Variants in ATP2B2 observed in about 807,000 individuals in gnomAD.
ATP2B2 encodes ATPase plasma membrane Ca2+ transporting 2.
In ATP2B2, 15 loss-of-function variants were observed where a neutral mutation model predicts 120.0. The ratio of observed to expected loss-of-function variants is 0.12; its 90% CI spans 0.08 to 0.19. The LOEUF (loss-of-function observed/expected upper bound fraction) is 0.19, where lower values mean the gene tolerates loss of function less well. ATP2B2 is among the 10% of genes least tolerant of loss of function. ATP2B2 has a pLI of 1.00. For missense variants in ATP2B2, 1,045 were observed against 1,719.8 expected (o/e 0.61, Z 6.94); for synonymous variants, 694 against 700.3 (o/e 0.99, Z 0.14).
intron 1 of ATP2B2, among the ~76,000 whole-genome samples, chr3:10,462,929 G>A (rs531772709): frequency 6.6e-6 from 1 of 152,230 alleles, no homozygotes; most frequent in East Asian, 1.9e-4. Flanking sequence ...ACCCAGTGTT[G>A]GGTCCCACTG....
At chr3:10,376,529 A>ACCCATCCTGATCCCCTGGGGC (rs1226017449) in intron 10 of ATP2B2, among the ~76,000 whole-genome samples, 1 of 152,070 alleles carries the variant, frequency 6.6e-6, no homozygotes, top group Non-Finnish European at 1.5e-5. Context: ...GCAGCTGGGG[A>ACCCATCCTGATCCCCTGGGGC]CCCATCCTGA....
At chr3:10,410,962 C>T (rs2062591435) in intron 2 of ATP2B2, 147 bp from the exon 3 acceptor site, 1 of 991,978 alleles carries the variant, frequency 1.0e-6, no homozygotes. Flanking sequence ...GCTTTGGGCC[C>T]TAAGTTGGTT....
chr3:10,685,014 C>G (rs2071483222), intron 1 of ATP2B2, among the ~76,000 whole-genome samples: 1 of 152,150 alleles, frequency 6.6e-6, no homozygotes, highest in South Asian at 2.1e-4. Context: ...TAGCAAAAGC[C>G]AAACTGAGAT....
upstream of ATP2B2, among the ~76,000 whole-genome samples, chr3:10,508,643 C>T (rs555929181): frequency 2.8e-4 from 43 of 152,354 alleles, no homozygotes; most frequent in Admixed American, 7.2e-4. Flanking sequence ...TCCCTTGCCC[C>T]GTCCCCTTTG....
chr3:10,342,741 G>A lies in ATP2B2; in HGVS notation c.2917+11C>T, dbSNP rs2075354. ...CCGCCTGGGAGAGGCGTGGGTGGGC[G>A]AGGCGCTCACCAACAAAGAGCAGGG... On this transcript the variant is annotated intron_variant, in intron 19 of 22. Transcript: ENST00000360273. This position sits in a 1 kb window ranked among gnomAD's most constrained non-coding sequence, Gnocchi z 4.4. The A allele has an allele frequency of 1.4e-3, 2,189 of 1,613,846 alleles. 39 individuals carry two copies. In the East Asian group the frequency reaches 0.041, roughly 30 times the overall value.
intron 2 of ATP2B2, among the ~76,000 whole-genome samples, chr3:10,601,191 G>T (rs994967689): frequency 2.6e-5 from 4 of 152,076 alleles, no homozygotes; most frequent in African/African-American, 7.2e-5. Context: ...CACTCTCTAG[G>T]CAAAAAAGAA....
At chr3:10,628,063 G>A (rs1191434204) in intron 1 of ATP2B2, among the ~76,000 whole-genome samples, 3 of 152,178 alleles carry the variant, frequency 2.0e-5, no homozygotes, top group Non-Finnish European at 4.4e-5. Context: ...CGGGATGGGC[G>A]TGGCACATTC....
chr3:10,407,175 C>T (rs1246931681), intron 3 of ATP2B2, among the ~76,000 whole-genome samples: 2 of 152,292 alleles, frequency 1.3e-5, no homozygotes, highest in Non-Finnish European at 2.9e-5. Flanking sequence ...GTTCCCTCAC[C>T]TGCCAGATGG....
chr3:10,688,312 C>G (rs1260265877), intron 1 of ATP2B2, among the ~76,000 whole-genome samples: 2 of 152,192 alleles, frequency 1.3e-5, no homozygotes, highest in African/African-American at 4.8e-5. Flanking sequence ...TCCAGCCCAG[C>G]AGAGGGCCCC....
intron 1 of ATP2B2, among the ~76,000 whole-genome samples, chr3:10,665,280 G>T (rs1319069495): frequency 6.6e-6 from 1 of 152,068 alleles, no homozygotes; most frequent in Non-Finnish European, 1.5e-5. Context: ...CCTTTGCACA[G>T]GCTGAGCTCT....
At chr3:10,554,854 A>G (rs1420049840) in intron 2 of ATP2B2, among the ~76,000 whole-genome samples, 2 of 152,206 alleles carry the variant, frequency 1.3e-5, no homozygotes. Flanking sequence ...CAAGTAACAC[A>G]AACAGTGACA....
At chr3:10,364,542 C>T (rs1290622281) in intron 12 of ATP2B2, among the ~76,000 whole-genome samples, 1 of 151,910 alleles carries the variant, frequency 6.6e-6, no homozygotes, top group Non-Finnish European at 1.5e-5. Context: ...AAAACCCCGT[C>T]TCTACTAAAA....
At chr3:10,691,150 C>G (rs1020981036) in intron 1 of ATP2B2, among the ~76,000 whole-genome samples, 7 of 152,276 alleles carry the variant, frequency 4.6e-5, no homozygotes, top group Admixed American at 4.6e-4. Context: ...CTGACCTGGC[C>G]CCTTGCAGGC....
At chr3:10,544,863 C>T (rs1329604426) in intron 2 of ATP2B2, among the ~76,000 whole-genome samples, 2 of 152,210 alleles carry the variant, frequency 1.3e-5, no homozygotes, top group East Asian at 3.8e-4. Flanking sequence ...CTCTTGTTTC[C>T]ACCCGCCCCT....
intron 5 of ATP2B2, among the ~76,000 whole-genome samples, chr3:10,392,818 G>A (rs1209864359): frequency 1.3e-5 from 2 of 152,276 alleles, no homozygotes; most frequent in African/African-American, 4.8e-5. Context: ...TTTGTCATCT[G>A]TAGAGTGGGG....
intron 10 of ATP2B2, among the ~76,000 whole-genome samples, chr3:10,377,319 C>T (rs912742732): frequency 3.9e-5 from 6 of 152,090 alleles, no homozygotes; most frequent in African/African-American, 7.2e-5. Context: ...GTCTGACAGT[C>T]GGAGGGGCTG....
At chr3:10,536,331 A>ATTTT (rs71055821) in intron 2 of ATP2B2, among the ~76,000 whole-genome samples, 1 of 138,834 alleles carries the variant, frequency 7.2e-6, no homozygotes, top group African/African-American at 2.6e-5. Context: ...TTGTCACAGG[A>ATTTT]TTTTTTTTTT....
At chr3:10,381,859 G>A (rs2061539878) in intron 8 of ATP2B2, among the ~76,000 whole-genome samples, 1 of 152,182 alleles carries the variant, frequency 6.6e-6, no homozygotes, top group Non-Finnish European at 1.5e-5. Context: ...CATGGATTGG[G>A]AGGATTCCTG....
chr3:10,454,294 C>A (rs1277721396), intron 1 of ATP2B2, among the ~76,000 whole-genome samples: 1 of 152,166 alleles, frequency 6.6e-6, no homozygotes, highest in African/African-American at 2.4e-5. Context: ...GAATGCCTTT[C>A]CTCTCAGCTC....
Sources: allele counts gnomAD v4.1 joint callset (sites outside exome capture counted in the v4.1 genomes callset), GRCh38; gene constraint gnomAD v4.1.1; non-coding constraint Gnocchi (gnomAD v3.1); transcripts MANE v1.5; gene names NCBI Gene and HGNC (gene_info 2026-07-23, HGNC 2026-07-21).